The following NRG3 variants were observed in gnomAD, a reference collection of about 807,000 sequenced individuals.
NRG3 encodes the protein neuregulin 3.
A neutral mutation model predicts 66.9 loss-of-function variants in NRG3; 31 were observed. The ratio of observed to expected loss-of-function variants is 0.46; its 90% CI spans 0.35 to 0.63. The LOEUF (loss-of-function observed/expected upper bound fraction) is 0.63. NRG3 is among the 20% of genes least tolerant of loss of function. The probability of loss-of-function intolerance (pLI) is 0.00; values close to 1 mark genes in which losing one functional copy is unlikely to be tolerated. For missense variants in NRG3, 910 were observed against 878.9 expected (o/e 1.04, Z -0.45); for synonymous variants, 393 against 359.4 (o/e 1.09, Z -1.06).
chr10:82,863,566 T>C (rs1258395999), intron 3 of NRG3, among the ~76,000 whole-genome samples: 1 of 152,226 alleles, frequency 6.6e-6, no homozygotes, highest in African/African-American at 2.4e-5. Context: ...TGGCGTGAGA[T>C]GGTATCTCAT....
At chr10:81,999,640 AT>A (rs1406581525) in intron 1 of NRG3, among the ~76,000 whole-genome samples, 1 of 152,216 alleles carries the variant, frequency 6.6e-6, no homozygotes, top group African/African-American at 2.4e-5. Context: ...TTCATTACAA[AT>A]AGATTCATAT....
In NRG3 at chr10:82,610,955, TA is replaced by T. The variant is rs1342206407; in HGVS notation, c.954-127621del. Among the ~76,000 whole-genome samples the T allele has an allele frequency of 7.9e-5, 12 of 152,290 alleles. No homozygotes were observed. The East Asian group carries it at 2.3e-3, about 29-fold the overall frequency. The stretch of plus-strand genomic sequence containing the variant: ...TTAATAATATTTGGTAACAACTCAA[TA>T]TTTTTTTGAACATAGATCCTTGGAT... On this transcript the variant is annotated intron_variant, in intron 2 of 8. Coordinates refer to ENST00000372141, the MANE Select transcript of NRG3 (RefSeq NM_001010848.4).
In NRG3 at chr10:82,880,020, GTAT is replaced by G. The variant is rs1162728129; in HGVS notation, c.1054+14584_1054+14586del. On this transcript the variant is annotated intron_variant, in intron 4 of 8. Transcript: ENST00000372141. ...AGCAGAAGCTTGTGCTGTATTGAAA[GTAT>G]ATTGAATATGGGCTCCGTTTATTGA... Among the ~76,000 whole-genome samples, 5 of 127,846 alleles carry G rather than the reference GTAT, an allele frequency of 3.9e-5. No individual in the cohort carries two copies. The East Asian group carries it at 7.9e-4, about 20-fold the overall frequency. 83.9% of individuals were successfully genotyped at this position (127,846 alleles called of 152,430 possible). A position where few individuals can be genotyped will look rare whatever the true frequency, so the allele number is the denominator to read the frequency against.
At chr10:81,967,270 C>A (rs917921404) in intron 1 of NRG3, among the ~76,000 whole-genome samples, 11 of 151,338 alleles carry the variant, frequency 7.3e-5, no homozygotes, top group Admixed American at 2.0e-4. Flanking sequence ...TTATTTAATC[C>A]AAGTTTTTAA....
At chr10:82,572,456 C>A (rs978762630) in intron 2 of NRG3, among the ~76,000 whole-genome samples, 1 of 151,662 alleles carries the variant, frequency 6.6e-6, no homozygotes, top group African/African-American at 2.4e-5. Flanking sequence ...ACTTGCATTT[C>A]ATTGTGATTT....
intron 2 of NRG3, among the ~76,000 whole-genome samples, chr10:82,677,701 G>T (rs1055499520): frequency 3.3e-5 from 5 of 152,138 alleles, no homozygotes; most frequent in African/African-American, 1.2e-4. Flanking sequence ...CCAAGGGGGT[G>T]TAAGGCAGAG....
chr10:82,170,297 G>A (rs905731342), intron 1 of NRG3, among the ~76,000 whole-genome samples: 2 of 151,960 alleles, frequency 1.3e-5, no homozygotes, highest in Non-Finnish European at 2.9e-5. Context: ...AGCTCACAGA[G>A]TACTACTGTC....
At chr10:81,983,253 A>T (rs751981215) in intron 1 of NRG3, among the ~76,000 whole-genome samples, 1 of 152,212 alleles carries the variant, frequency 6.6e-6, no homozygotes, top group Non-Finnish European at 1.5e-5. Context: ...ATATCAGATG[A>T]TAAAACTGAG....
chr10:82,189,091 T>C (rs942856551), intron 1 of NRG3, among the ~76,000 whole-genome samples: 3 of 152,144 alleles, frequency 2.0e-5, no homozygotes, highest in Admixed American at 6.5e-5. Flanking sequence ...TTTAATTTTA[T>C]ATAAATATAA....
intron 2 of NRG3, among the ~76,000 whole-genome samples, chr10:82,498,459 C>T (rs1169837794): frequency 6.6e-6 from 1 of 152,128 alleles, no homozygotes; most frequent in East Asian, 1.9e-4. Flanking sequence ...TTAAACATCA[C>T]TGCTTGTCTT....
At chr10:82,159,211 A>G (rs1442633334) in intron 1 of NRG3, among the ~76,000 whole-genome samples, 2 of 151,882 alleles carry the variant, frequency 1.3e-5, no homozygotes, top group African/African-American at 2.4e-5. Flanking sequence ...AATGATGTAT[A>G]TGCAAGTAAC....
At chr10:82,296,800 G>A (rs2080089998) in intron 1 of NRG3, among the ~76,000 whole-genome samples, 3 of 151,462 alleles carry the variant, frequency 2.0e-5, no homozygotes, top group South Asian at 2.1e-4. Flanking sequence ...TAGATTTGGG[G>A]GATATATACA....
intron 3 of NRG3, among the ~76,000 whole-genome samples, chr10:82,765,999 A>T (rs2135120944): frequency 6.6e-6 from 1 of 152,258 alleles, no homozygotes; most frequent in African/African-American, 2.4e-5. Flanking sequence ...TTAGACAGTT[A>T]TTTCCTATTC....
chr10:82,156,458 A>T (rs571613883), intron 1 of NRG3, among the ~76,000 whole-genome samples: 11 of 151,754 alleles, frequency 7.2e-5, no homozygotes, highest in African/African-American at 2.7e-4. Flanking sequence ...GATCATCTTT[A>T]TGAAGTTCCT....
At chr10:82,661,458 G>GTA (rs35788053) in intron 2 of NRG3, among the ~76,000 whole-genome samples, 18,074 of 151,592 alleles carry the variant, frequency 0.12, 1,223 homozygotes, top group Non-Finnish European at 0.14. Context: ...ACACAAATAT[G>GTA]TATATATATA....
At chr10:82,577,709 T>C (rs1281741750) in intron 2 of NRG3, among the ~76,000 whole-genome samples, 1 of 151,750 alleles carries the variant, frequency 6.6e-6, no homozygotes. Context: ...GGATGTTTCA[T>C]GAATTTTCGG....
chr10:82,985,058 G>C, intron 8 of NRG3, 40 bp from the exon 9 acceptor site: 1 of 1,594,350 alleles, frequency 6.3e-7, no homozygotes, highest in Non-Finnish European at 8.5e-7. Context: ...AACAAAGCCT[G>C]GTAGAAAGCA....
In NRG3 at chr10:81,917,837, A is replaced by G. The variant is rs116110230; in HGVS notation, c.823+41674A>G. On this transcript the variant is annotated intron_variant, in intron 1 of 8. Transcript: ENST00000372141. ...ACTGAGAGCATTGGGCACTGCAGGA[A>G]TCATTGTGAGCTTTCAGGAGGGGAA... 3.5e-3 allele frequency among the ~76,000 whole-genome samples: 536 copies of G among 152,300 alleles called. 4 individuals carry two copies. The highest frequency in any genetic ancestry group is 0.012 in the African/African-American group (488 of 41,576).
At chr10:82,892,762 A>G (rs1843279802) in intron 4 of NRG3, among the ~76,000 whole-genome samples, 1 of 151,938 alleles carries the variant, frequency 6.6e-6, no homozygotes, top group Admixed American at 6.6e-5. Context: ...ATATGCACAT[A>G]CATACCAGGC....
Sources: allele counts gnomAD v4.1 joint callset (sites outside exome capture counted in the v4.1 genomes callset), GRCh38; gene constraint gnomAD v4.1.1; transcripts MANE v1.5; gene names NCBI Gene and HGNC (gene_info 2026-07-23, HGNC 2026-07-21).